The following TDRD12 variants were observed in gnomAD, a reference collection of about 807,000 sequenced individuals.
The protein encoded by TDRD12 is putative ATP-dependent RNA helicase TDRD12.
A neutral mutation model predicts 133.5 loss-of-function variants in TDRD12; 158 were observed. The observed-to-expected ratio is 1.18, with a 90% CI of 1.04 to 1.35. The LOEUF (loss-of-function observed/expected upper bound fraction) is 1.35. TDRD12 is among the 40% of genes most tolerant of loss of function. The pLI is 0.00. For synonymous variants in TDRD12, 460 were observed against 477.9 expected (o/e 0.96, Z 0.49); for missense variants, 1,443 against 1,321.3 (o/e 1.09, Z -1.43).
exon 1 of TDRD12, chr19:32,719,799 G>A (rs937776777): frequency 7.2e-6 from 4 of 556,310 alleles, no homozygotes; most frequent in South Asian, 4.0e-5. Flanking sequence ...CGGTGGGTGC[G>A]GGAGGCCCGA....
At chr19:32,786,648 G>A (rs902512791) in intron 11 of TDRD12, among the ~76,000 whole-genome samples, 3 of 151,928 alleles carry the variant, frequency 2.0e-5, no homozygotes, top group African/African-American at 7.3e-5. Flanking sequence ...CTCTAATCTT[G>A]TCTTATCACT....
At chr19:32,820,439 T>G (rs1967339845) in intron 27 of TDRD12, among the ~76,000 whole-genome samples, 1 of 152,134 alleles carries the variant, frequency 6.6e-6, no homozygotes, top group African/African-American at 2.4e-5. Flanking sequence ...CACATGAATG[T>G]GGTTACCTAT....
intron 1 of TDRD12, among the ~76,000 whole-genome samples, chr19:32,722,384 T>G (rs1968712032): frequency 6.6e-6 from 1 of 152,116 alleles, no homozygotes; most frequent in African/African-American, 2.4e-5. Context: ...TCAACTCTGA[T>G]CTGCCCCCAC....
Position 32,784,278 on chromosome 19 carries a change from G to A in TDRD12, c.1122-6253G>A, listed in dbSNP as rs369222410. 4.6e-5 allele frequency among the ~76,000 whole-genome samples: 7 copies of A among 152,234 alleles called. No homozygotes were observed. In the East Asian group the frequency reaches 7.7e-4, roughly 17 times the overall value. ...GGTTTTTGTTGTTGGTTCTGTTTATGTGATGGATTACATTTATTGATTTGC... is the reference window on the plus strand; with the variant it reads ...GGTTTTTGTTGTTGGTTCTGTTTATATGATGGATTACATTTATTGATTTGC... On this transcript the variant is annotated intron_variant, in intron 11 of 27. Transcript: ENST00000444215.
intron 4 of TDRD12, 67 bp downstream of exon 4, chr19:32,742,967 T>C (rs1969478762): frequency 6.5e-6 from 10 of 1,532,794 alleles, no homozygotes; most frequent in Non-Finnish European, 7.9e-6. Flanking sequence ...ACGATCTTTG[T>C]ATGAAGTCAG....
intron 1 of TDRD12, among the ~76,000 whole-genome samples, chr19:32,725,888 T>C (rs778156176): frequency 4.6e-5 from 7 of 152,094 alleles, no homozygotes; most frequent in Admixed American, 2.6e-4. Flanking sequence ...TTATTTCCTT[T>C]GTTAGTTGTA....
chr19:32,720,609 C>G, intron 1 of TDRD12, among the ~76,000 whole-genome samples: 1 of 35,284 alleles, frequency 2.8e-5, no homozygotes, highest in Admixed American at 3.2e-4. Flanking sequence ...CACCCGTTTC[C>G]TTATCGCTGC....
Position 32,793,723 on chromosome 19 carries a change from A to G in TDRD12, c.1288-905A>G, listed in dbSNP as rs540866346. Reference sequence around the variant, plus strand: ...GGAGGAAAAGCCACATCTTTGATCCAGTGAACTTTAAGTTCCTGTCAATGG... The same window carrying G: ...GGAGGAAAAGCCACATCTTTGATCCGGTGAACTTTAAGTTCCTGTCAATGG... On this transcript the variant is annotated intron_variant, in intron 13 of 27. Transcript: ENST00000444215. Among the ~76,000 whole-genome samples the G allele has an allele frequency of 3.3e-5, 5 of 152,172 alleles. No individual in the cohort carries two copies. In the East Asian group the frequency reaches 9.6e-4, roughly 29 times the overall value.
intron 13 of TDRD12, among the ~76,000 whole-genome samples, chr19:32,791,891 G>A (rs8106748): frequency 0.23 from 34,123 of 150,678 alleles, 4,188 homozygotes; most frequent in African/African-American, 0.32. Context: ...GTGTCTTGCT[G>A]TCCACCATGA....
chr19:32,737,039 C>T (rs1185962795), intron 2 of TDRD12, among the ~76,000 whole-genome samples: 1 of 152,156 alleles, frequency 6.6e-6, no homozygotes, highest in East Asian at 1.9e-4. Flanking sequence ...GGCAAGATCA[C>T]CTAATACAAA....
At chr19:32,811,163 T>A in intron 23 of TDRD12, 47 bp from the exon 24 acceptor site, 2 of 1,385,856 alleles carry the variant, frequency 1.4e-6, no homozygotes. Flanking sequence ...GCAAAGATGA[T>A]CCTTTCTGGA....
intron 21 of TDRD12, among the ~76,000 whole-genome samples, chr19:32,804,381 T>C (rs961313515): frequency 1.3e-5 from 2 of 150,576 alleles, no homozygotes; most frequent in African/African-American, 4.9e-5. Flanking sequence ...CTGATGACTT[T>C]GTGTGCTTAT....
intron 8 of TDRD12, among the ~76,000 whole-genome samples, chr19:32,759,220 A>T (rs1970082105): frequency 6.6e-6 from 1 of 152,176 alleles, no homozygotes; most frequent in Non-Finnish European, 1.5e-5. Flanking sequence ...CATTGAAGGT[A>T]AGGGTGGCAA....
Position 32,808,961 on chromosome 19 carries a change from A to G in TDRD12, c.2653-1132A>G, listed in dbSNP as rs185983262. Among the ~76,000 whole-genome samples, 430 of 152,056 alleles carry G rather than the reference A, an allele frequency of 2.8e-3. 1 individual carries two copies. The highest frequency in any genetic ancestry group is 9.5e-3 in the African/African-American group (396 of 41,516). On this transcript the variant is annotated intron_variant, in intron 22 of 27. Transcript: ENST00000444215. ...TTATTTTATTTTTATATATTATTAT[A>G]CATTTTGTTATTTTATGATGACTTC... is the stretch of plus-strand genomic sequence containing the variant.
At chr19:32,742,840 T>C (rs1304339962) in exon 4 of TDRD12, 19 of 1,551,734 alleles carry the variant, frequency 1.2e-5, no homozygotes, top group Non-Finnish European at 1.5e-5. Flanking sequence ...AAATTCAGCC[T>C]GTACTGCACA....
At chr19:32,732,016 T>A in intron 2 of TDRD12, 133 bp downstream of exon 2, 2 of 905,578 alleles carry the variant, frequency 2.2e-6, no homozygotes, top group East Asian at 2.9e-5. Context: ...TGTTAGGTTT[T>A]TTTTTGAGAT....
At chr19:32,822,427 G>A (rs28649188), downstream of TDRD12, among the ~76,000 whole-genome samples, 825 of 151,104 alleles carry the variant, frequency 5.5e-3, 7 homozygotes, top group African/African-American at 0.019. Context: ...ATGAGACTCC[G>A]TCTCAAAATA....
intron 25 of TDRD12, 55 bp downstream of exon 25, chr19:32,813,831 A>T: frequency 9.7e-7 from 1 of 1,035,708 alleles, no homozygotes; most frequent in Non-Finnish European, 1.4e-6. Context: ...GGCTAAAATT[A>T]TCCAGATTAT....
At chr19:32,786,721 T>C (rs1599584154) in intron 11 of TDRD12, among the ~76,000 whole-genome samples, 1 of 152,186 alleles carries the variant, frequency 6.6e-6, no homozygotes, top group South Asian at 2.1e-4. Flanking sequence ...GAATTGGCTG[T>C]TGAAGCTTGT....
Sources: allele counts gnomAD v4.1 joint callset (sites outside exome capture counted in the v4.1 genomes callset), GRCh38; gene constraint gnomAD v4.1.1; transcripts MANE v1.5; gene names NCBI Gene and HGNC (gene_info 2026-07-23, HGNC 2026-07-21).